RHBDD2: variants seen among roughly 807,000 people sequenced by gnomAD.
The protein encoded by RHBDD2 is rhomboid domain containing 2.
A neutral mutation model predicts 21.7 loss-of-function variants in RHBDD2; 13 were observed. The observed-to-expected ratio is 0.60, with a 90% confidence interval of 0.39 to 0.95. The LOEUF (loss-of-function observed/expected upper bound fraction) is 0.95, where lower values mean the gene tolerates loss of function less well. RHBDD2 is among the 40% of genes least tolerant of loss of function. RHBDD2 has a pLI of 0.00. For missense variants in RHBDD2, 473 were observed against 478.9 expected, an observed-to-expected ratio of 0.99 and a Z score of 0.11; for synonymous variants, 225 against 220.0, an observed-to-expected ratio of 1.02 and a Z score of -0.20.
rs11547501 is a variant in RHBDD2 at position 75,879,139 on chromosome 7, C to A, written c.57C>A (p.Ser19=). 6.9e-7 allele frequency: 1 copy of A among 1,448,726 alleles called. No individual in the cohort carries two copies. Among genetic ancestry groups the A allele is most frequent in the South Asian group, 1.3e-5 (1 of 74,778 alleles). The allele number at this position is 1,448,726 out of a possible 1,614,324, so 89.7% of individuals were successfully genotyped here. The part of the protein sequence containing the change: ...RSWCLCPEVP[S]ATFFTALLSL... Reference sequence around the variant, plus strand: ...GGTGCTTGTGTCCCGAGGTGCCATCCGCCACCTTCTTCACTGCGCTGCTCT... The same window carrying A: ...GGTGCTTGTGTCCCGAGGTGCCATCAGCCACCTTCTTCACTGCGCTGCTCT... The change falls in exon 1 of 4, where the codon TCC becomes TCA. Residue 19 remains serine (S), a synonymous_variant. Coordinates refer to ENST00000006777, the MANE Select transcript of RHBDD2 (RefSeq NM_001040456.3).
At position 75,879,109 on chromosome 7, in the gene RHBDD2, C is replaced by T; in HGVS notation, c.27C>T (p.Arg9=). The change falls in exon 1 of 4, where the codon CGC becomes CGT. Residue 9 remains arginine (R), a synonymous_variant. Transcript: ENST00000006777. MAASGPGC[R]SWCLCPEVPS... ...TGGCGGCCTCGGGGCCCGGGTGTCG[C>T]AGCTGGTGCTTGTGTCCCGAGGTGC... 7.3e-7 allele frequency: 1 copy of T among 1,379,076 alleles called. No homozygotes were observed. Among genetic ancestry groups the T allele is most frequent in the South Asian group, 1.6e-5 (1 of 62,728 alleles). The allele number at this position is 1,379,076 out of a possible 1,614,324, so 85.4% of individuals were successfully genotyped here.
chr7:75,881,667 T>A (rs560521449), intron 1 of RHBDD2, among the ~76,000 whole-genome samples, 162 bp from the exon 2 acceptor site: 1 of 152,288 alleles, frequency 6.6e-6, no homozygotes, highest in East Asian at 1.9e-4. Context: ...TCTGGGTCCT[T>A]CATTGTTGAA....
intron 1 of RHBDD2, among the ~76,000 whole-genome samples, chr7:75,879,642 C>T (rs782219763): frequency 1.3e-5 from 2 of 152,178 alleles, no homozygotes; most frequent in Non-Finnish European, 2.9e-5. Flanking sequence ...CTGCTTTAGG[C>T]CTAAGCCCCA....
At chr7:75,880,950 C>G (rs1196059936) in intron 1 of RHBDD2, among the ~76,000 whole-genome samples, 1 of 152,106 alleles carries the variant, frequency 6.6e-6, no homozygotes, top group East Asian at 1.9e-4. Context: ...TGGTCTTGAA[C>G]TCCTGGGCTC....
intron 1 of RHBDD2, 25 bp from the exon 2 acceptor site, chr7:75,881,804 G>C: frequency 2.6e-6 from 4 of 1,563,890 alleles, no homozygotes; most frequent in Non-Finnish European, 2.6e-6. Context: ...CCGCCGCCAG[G>C]CCTCTAACCC....
chr7:75,885,391 G>T (rs1805599289), intron 3 of RHBDD2, among the ~76,000 whole-genome samples: 1 of 152,050 alleles, frequency 6.6e-6, no homozygotes, highest in Non-Finnish European at 1.5e-5. Flanking sequence ...CCCTGCTTAG[G>T]AGGCCACCTC....
At position 75,881,820 on chromosome 7, in the gene RHBDD2, C is replaced by A; in HGVS notation, c.179-9C>A. The stretch of plus-strand genomic sequence containing the variant: ...CGCCGCCAGGCCTCTAACCCGACTC[C>A]CTCTGCAGTTTACAGGCTGGTAACC... On this transcript the variant is annotated splice_polypyrimidine_tract_variant and intron_variant, in intron 1 of 3. Coordinates refer to ENST00000006777, the MANE Select transcript of RHBDD2 (RefSeq NM_001040456.3). 1 of 1,590,116 alleles carries A rather than the reference C, an allele frequency of 6.3e-7. No homozygotes were observed. The highest frequency in any genetic ancestry group is 1.1e-5 in the South Asian group (1 of 87,204).
chr7:75,880,060 T>C (rs964105525), intron 1 of RHBDD2, among the ~76,000 whole-genome samples: 4 of 152,338 alleles, frequency 2.6e-5, no homozygotes, highest in African/African-American at 9.6e-5. Flanking sequence ...TATTGGCCCG[T>C]TATCTAGATA....
Position 75,888,002 on chromosome 7 carries a change from G to A in RHBDD2, c.748G>A (p.Val250Met). The A allele has an allele frequency of 6.2e-7, 1 of 1,611,546 alleles. No homozygotes were observed. Among genetic ancestry groups the A allele is most frequent in the South Asian group, 1.1e-5 (1 of 91,028 alleles). The change falls in exon 4 of 4, where the codon GTG becomes ATG. Residue 250 changes from valine (V) to methionine (M), a missense_variant. By Grantham distance (21) the Val-to-Met change is conservative (BLOSUM62 1). Transcript: ENST00000006777. ...RAAQSRKLNP[V>M]PGSYPTQSCH... is the part of the protein sequence containing the mutation. ...CTTGTTCCATTCCAGACTGAACCCGGTGCCTGGCTCCTACCCCACACAGAG... is the reference window on the plus strand; with the variant it reads ...CTTGTTCCATTCCAGACTGAACCCGATGCCTGGCTCCTACCCCACACAGAG...
chr7:75,879,574 G>GCT (rs1428052357), intron 1 of RHBDD2, among the ~76,000 whole-genome samples: 2 of 152,134 alleles, frequency 1.3e-5, no homozygotes, highest in African/African-American at 2.4e-5. Flanking sequence ...ATCCATGCTC[G>GCT]CTCTCCAAGG....
In RHBDD2 at chr7:75,888,732, T is replaced by C. The variant is rs1025760364; in HGVS notation, c.*383T>C. ...CGTGGTTTCAGTGTCCGTGTGTCCA[T>C]GTGTCTGCCCTTCAGGAGCTCGCAG... On this transcript the variant is annotated 3_prime_UTR_variant, in exon 4 of 4. Transcript: ENST00000006777. The C allele has an allele frequency of 8.1e-6, 2 of 246,550 alleles. No homozygotes were observed. Among genetic ancestry groups the C allele is most frequent in the Non-Finnish European group, 1.6e-5 (2 of 125,592 alleles). 15.3% of individuals were successfully genotyped at this position (246,550 alleles called of 1,614,324 possible). A position where few individuals can be genotyped will look rare whatever the true frequency, so the allele number is the denominator to read the frequency against.
At chr7:75,887,307 A>T (rs1378535224) in intron 3 of RHBDD2, among the ~76,000 whole-genome samples, 4 of 129,368 alleles carry the variant, frequency 3.1e-5, no homozygotes, top group African/African-American at 8.4e-5. Flanking sequence ...CTGGCTAATT[A>T]AAAAAAAAAA....
At chr7:75,880,582 C>CGA (rs1805265723) in intron 1 of RHBDD2, among the ~76,000 whole-genome samples, 2 of 152,166 alleles carry the variant, frequency 1.3e-5, no homozygotes, top group Non-Finnish European at 1.5e-5. Flanking sequence ...TGATTAAACT[C>CGA]AGCCAGCCTG....
In RHBDD2 at chr7:75,883,722, T is replaced by C; in HGVS notation, c.611T>C (p.Ile204Thr). 6.2e-7 allele frequency: 1 copy of C among 1,613,668 alleles called. No individual in the cohort carries two copies. The highest frequency in any genetic ancestry group is 8.5e-7 in the Non-Finnish European group (1 of 1,179,860). Residue 204 changes from isoleucine to threonine, a missense_variant, in exon 3 of 4, where the codon ATC becomes ACC. Physicochemically the swap from Ile to Thr is moderately conservative, Grantham distance 89. Transcript: ENST00000006777. Reference protein sequence around the residue: ...LAYGLTYCYSIDLSERVALKL... With the variant: ...LAYGLTYCYSTDLSERVALKL... Reference sequence around the variant, plus strand: ...GATGGCCTCACCTACTGCTATTCCATCGACCTCTCAGAGCGAGTGGCACTG... The same window carrying C: ...GATGGCCTCACCTACTGCTATTCCACCGACCTCTCAGAGCGAGTGGCACTG...
rs539250074 is a variant in RHBDD2, at chr7:75,879,748, GA to G, written c.178+490del. ...AAACGTCCTGCCCTCTTGAGATTTG[GA>G]ATTTCTTCTGCTTTTTCATCTGTAT... is the stretch of plus-strand genomic sequence containing the variant. On this transcript the variant is annotated intron_variant, in intron 1 of 3. Transcript: ENST00000006777. 2.6e-5 allele frequency among the ~76,000 whole-genome samples: 4 copies of G among 152,258 alleles called. No homozygotes were observed. In the East Asian group the frequency reaches 7.7e-4, roughly 29 times the overall value.
chr7:75,880,134 T>G (rs42184), intron 1 of RHBDD2: 130,128 of 152,066 alleles, frequency 0.86, 56,290 homozygotes, highest in African/African-American at 0.97. Context: ...TAGGAATCTA[T>G]ATTTTTTTTT....
chr7:75,879,739 T>C (rs1466253103), intron 1 of RHBDD2, among the ~76,000 whole-genome samples: 3 of 152,202 alleles, frequency 2.0e-5, no homozygotes, highest in African/African-American at 7.2e-5. Flanking sequence ...CCTGCCCTCT[T>C]GAGATTTGGA....
Sources: allele counts gnomAD v4.1 joint callset (sites outside exome capture counted in the v4.1 genomes callset), GRCh38; gene constraint gnomAD v4.1.1; transcripts MANE v1.5; gene names NCBI Gene and HGNC (gene_info 2026-07-23, HGNC 2026-07-21).